The following MIPOL1 variants were observed in gnomAD, a reference collection of about 807,000 sequenced individuals.
MIPOL1 encodes mirror-image polydactyly gene 1 protein.
In MIPOL1, 57 loss-of-function variants were observed where a neutral mutation model predicts 60.9. The observed-to-expected ratio is 0.94, with a 90% confidence interval of 0.76 to 1.17. The LOEUF (loss-of-function observed/expected upper bound fraction) is 1.17, where lower values mean the gene tolerates loss of function less well. Ranked by LOEUF, MIPOL1 falls within the 50% of genes most tolerant of loss-of-function variation. The pLI is 0.00. For missense variants in MIPOL1, 551 were observed against 511.6 expected, an observed-to-expected ratio of 1.08 and a Z score of -0.74; for synonymous variants, 179 against 168.8, an observed-to-expected ratio of 1.06 and a Z score of -0.47.
At chr14:37,483,672 G>A (rs570893744) in intron 11 of MIPOL1, among the ~76,000 whole-genome samples, 4 of 152,024 alleles carry the variant, frequency 2.6e-5, no homozygotes, top group South Asian at 4.2e-4. Flanking sequence ...GTCTTGCTCT[G>A]TGGCCCAAGC....
At chr14:37,341,540 T>C (rs565688094) in intron 9 of MIPOL1, among the ~76,000 whole-genome samples, 1 of 152,342 alleles carries the variant, frequency 6.6e-6, no homozygotes, top group South Asian at 2.1e-4. Context: ...AGTATTTCCT[T>C]GTGTCAGACC....
chr14:37,240,753 C>T (rs1157829551), intron 1 of MIPOL1, among the ~76,000 whole-genome samples: 1 of 152,036 alleles, frequency 6.6e-6, no homozygotes, highest in Admixed American at 6.5e-5. Context: ...TATTCATTCT[C>T]AAAGTGTCAT....
intron 3 of MIPOL1, among the ~76,000 whole-genome samples, chr14:37,258,547 A>G (rs1338322388): frequency 1.3e-5 from 2 of 152,124 alleles, no homozygotes; most frequent in African/African-American, 4.8e-5. Flanking sequence ...TAGTTTTCAC[A>G]ATCATTTCAG....
chr14:37,433,903 G>GGTGTA (rs1423837641), intron 11 of MIPOL1, among the ~76,000 whole-genome samples: 2 of 152,152 alleles, frequency 1.3e-5, no homozygotes, highest in African/African-American at 2.4e-5. Flanking sequence ...TGGTGTATAT[G>GGTGTA]TGCTACATTT....
intron 3 of MIPOL1, among the ~76,000 whole-genome samples, chr14:37,253,262 T>A (rs982385740): frequency 6.6e-6 from 1 of 151,794 alleles, no homozygotes; most frequent in Non-Finnish European, 1.5e-5. Flanking sequence ...AAGTTTTAAT[T>A]TTTAAATCTT....
chr14:37,302,578 C>A (rs1318521828), intron 7 of MIPOL1, among the ~76,000 whole-genome samples: 8 of 148,996 alleles, frequency 5.4e-5, no homozygotes, highest in Admixed American at 2.0e-4. Flanking sequence ...GTGTGTTTGG[C>A]AGAACACAAG....
intron 11 of MIPOL1, among the ~76,000 whole-genome samples, chr14:37,428,318 C>T (rs994009754): frequency 2.6e-5 from 4 of 152,130 alleles, no homozygotes; most frequent in Admixed American, 1.3e-4. Flanking sequence ...AATTAGTGGC[C>T]GGGCATGGTG....
intron 12 of MIPOL1, chr14:37,507,065 A>G (rs144471550): frequency 2.6e-5 from 4 of 152,338 alleles, no homozygotes; most frequent in African/African-American, 9.6e-5. Context: ...TAACCATCTC[A>G]TGCCAGTTAG....
intron 11 of MIPOL1, among the ~76,000 whole-genome samples, chr14:37,477,628 A>G (rs1442537063): frequency 6.6e-6 from 1 of 152,236 alleles, no homozygotes; most frequent in South Asian, 2.1e-4. Context: ...CATCACAAGT[A>G]TAAAATAACA....
At chr14:37,307,534 G>A (rs2086889555) in intron 7 of MIPOL1, among the ~76,000 whole-genome samples, 1 of 151,844 alleles carries the variant, frequency 6.6e-6, no homozygotes. Context: ...AAAAATTGTG[G>A]TCAGCCTTCC....
At chr14:37,331,510 A>C (rs2089679076) in intron 9 of MIPOL1, among the ~76,000 whole-genome samples, 1 of 142,468 alleles carries the variant, frequency 7.0e-6, no homozygotes, top group South Asian at 2.2e-4. Context: ...ATTGCTAGAT[A>C]TTTTATTTTA....
chr14:37,199,782 C>T (rs1169932178), intron 1 of MIPOL1, among the ~76,000 whole-genome samples: 1 of 152,152 alleles, frequency 6.6e-6, no homozygotes, highest in South Asian at 2.1e-4. Flanking sequence ...GCCTCAGCAT[C>T]CCAGAGTGCT....
At chr14:37,221,364 ATT>A (rs1968721812) in intron 1 of MIPOL1, among the ~76,000 whole-genome samples, 1 of 152,224 alleles carries the variant, frequency 6.6e-6, no homozygotes, top group African/African-American at 2.4e-5. Flanking sequence ...TTATTAATCC[ATT>A]CATGAGGGTG....
chr14:37,370,425 A>ACT (rs3062674), intron 10 of MIPOL1, among the ~76,000 whole-genome samples: 1 of 152,114 alleles, frequency 6.6e-6, no homozygotes, highest in Non-Finnish European at 1.5e-5. Flanking sequence ...AAGATTCATC[A>ACT]GTTTTTATTG....
chr14:37,262,108 G>A (rs2082553440), intron 3 of MIPOL1, among the ~76,000 whole-genome samples: 1 of 151,896 alleles, frequency 6.6e-6, no homozygotes, highest in Admixed American at 6.6e-5. Context: ...CATATAATAT[G>A]CATCTCTGTG....
At chr14:37,309,688 AT>A (rs745631533) in intron 9 of MIPOL1, among the ~76,000 whole-genome samples, 545 of 132,688 alleles carry the variant, frequency 4.1e-3, no homozygotes, top group Middle Eastern at 7.9e-3. Flanking sequence ...TGACTCCAGC[AT>A]TTTTTTTTTT....
intron 9 of MIPOL1, among the ~76,000 whole-genome samples, chr14:37,353,662 C>T (rs1057214467): frequency 3.8e-4 from 57 of 151,742 alleles, no homozygotes; most frequent in African/African-American, 1.3e-3. Flanking sequence ...GGAATTTATC[C>T]ATTTCTTCTA....
chr14:37,247,746 T>G (rs976795763), intron 2 of MIPOL1, 83 bp from the exon 3 acceptor site: 17 of 680,398 alleles, frequency 2.5e-5, no homozygotes, highest in Non-Finnish European at 3.6e-5. Context: ...ATCCTGTAAA[T>G]TCTCTGTTAA....
chr14:37,296,343 G>A (rs1215672171), intron 7 of MIPOL1, among the ~76,000 whole-genome samples: 1 of 152,064 alleles, frequency 6.6e-6, no homozygotes, highest in Non-Finnish European at 1.5e-5. Flanking sequence ...ATGCCCACAA[G>A]AGAAAGCAGG....
Sources: allele counts gnomAD v4.1 joint callset (sites outside exome capture counted in the v4.1 genomes callset), GRCh38; gene constraint gnomAD v4.1.1; transcripts MANE v1.5; gene names NCBI Gene and HGNC (gene_info 2026-07-23, HGNC 2026-07-21).